Variants in VPS37A observed in about 807,000 individuals in gnomAD.
VPS37A encodes the protein vacuolar protein sorting-associated protein 37A.
A neutral mutation model predicts 49.8 loss-of-function variants in VPS37A; 30 were observed. The ratio of observed to expected loss-of-function variants is 0.60; its 90% CI spans 0.45 to 0.82. The LOEUF (loss-of-function observed/expected upper bound fraction) is 0.82, where lower values mean the gene tolerates loss of function less well. Ranked by LOEUF, VPS37A falls within the 40% of genes least tolerant of loss-of-function variation. The pLI, the probability that VPS37A is intolerant of heterozygous loss-of-function variation, is 0.00. For missense variants in VPS37A, 593 were observed against 464.4 expected, an observed-to-expected ratio of 1.28 and a Z score of -2.55; for synonymous variants, 195 against 160.6, an observed-to-expected ratio of 1.21 and a Z score of -1.62.
intron 2 of VPS37A, 116 bp from the exon 3 acceptor site, chr8:17,268,142 C>A: frequency 1.5e-6 from 1 of 647,706 alleles, no homozygotes; most frequent in Non-Finnish European, 2.6e-6. Flanking sequence ...CTAAATGACC[C>A]ATATCAAAGT....
At chr8:17,280,916 T>G (rs904324238) in intron 9 of VPS37A, among the ~76,000 whole-genome samples, 2 of 151,916 alleles carry the variant, frequency 1.3e-5, no homozygotes, top group Non-Finnish European at 2.9e-5. Flanking sequence ...CAACCTATAT[T>G]TCTGAAAAAA....
chr8:17,316,837 G>A, the VPS37A span, among the ~76,000 whole-genome samples: 25 of 152,086 alleles, frequency 1.6e-4, no homozygotes, highest in South Asian at 2.7e-3. Flanking sequence ...GGACTTCTGC[G>A]TGTGTGGATT....
the VPS37A span, among the ~76,000 whole-genome samples, chr8:17,329,335 A>G: frequency 0.5 from 75,312 of 152,032 alleles, 19,961 homozygotes; most frequent in African/African-American, 0.68. Context: ...GACCACGTAC[A>G]GGCATCCAGA....
the VPS37A span, among the ~76,000 whole-genome samples, chr8:17,310,094 G>A: frequency 8.6e-5 from 13 of 152,036 alleles, no homozygotes; most frequent in South Asian, 6.2e-4. Flanking sequence ...TTGACCTCCT[G>A]AGCTCGAGCG....
chr8:17,287,047 C>G lies in VPS37A; in HGVS notation c.*620C>G, dbSNP rs563698854. Among the ~76,000 whole-genome samples, 4 of 152,246 alleles carry G rather than the reference C, an allele frequency of 2.6e-5. No individual in the cohort carries two copies. In the South Asian group the frequency reaches 8.3e-4, roughly 32 times the overall value. On this transcript the variant is annotated intron_variant, in intron 11 of 11. Transcript: ENST00000324849. Reference sequence around the variant, plus strand: ...TCATCCATTTTAACTTTGCATTTTCCCCTTACATTGCGTTGTCTTACATGG... The same window carrying G: ...TCATCCATTTTAACTTTGCATTTTCGCCTTACATTGCGTTGTCTTACATGG...
intron 11 of VPS37A, among the ~76,000 whole-genome samples, chr8:17,293,394 G>A (rs963638267): frequency 3.9e-5 from 6 of 151,926 alleles, no homozygotes; most frequent in Non-Finnish European, 7.4e-5. Flanking sequence ...TCCTTGCATT[G>A]AGTTAGAACA....
At chr8:17,263,610 T>C (rs1813166886) in intron 1 of VPS37A, among the ~76,000 whole-genome samples, 1 of 152,200 alleles carries the variant, frequency 6.6e-6, no homozygotes, top group Admixed American at 6.5e-5. Context: ...ATAAAAATTA[T>C]TTAAATCAAA....
Position 17,295,104 on chromosome 8 carries a change from A to G in VPS37A, c.*118A>G, listed in dbSNP as rs1203080843. 6.5e-6 allele frequency: 1 copy of G among 152,678 alleles called. No individual in the cohort carries two copies. The highest frequency in any genetic ancestry group is 1.5e-5 in the Non-Finnish European group (1 of 68,038). The allele number at this position is 152,678 out of a possible 1,614,324, so 9.5% of individuals were successfully genotyped here. ...GTGGCTAAATTCACAGATATCCTAT[A>G]TAGATTGTATACAGAACTGAGACTG... On this transcript the variant is annotated 3_prime_UTR_variant, in exon 12 of 12. Transcript: ENST00000324849.
downstream of VPS37A, among the ~76,000 whole-genome samples, chr8:17,306,388 T>G (rs1817456749): frequency 6.6e-6 from 1 of 151,148 alleles, no homozygotes; most frequent in Admixed American, 6.6e-5. Context: ...AAAAGACAAC[T>G]TGAAAAAAAA....
In VPS37A at chr8:17,295,079, G is replaced by C. The variant is rs1273899039; in HGVS notation, c.*93G>C. On this transcript the variant is annotated 3_prime_UTR_variant, in exon 12 of 12. Transcript: ENST00000324849. ...TGGTTTGCAAACTGGCATTTCATCA[G>C]TGGCTAAATTCACAGATATCCTATA... 6.6e-6 allele frequency: 1 copy of C among 152,630 alleles called. No homozygotes were observed. Among genetic ancestry groups the C allele is most frequent in the Non-Finnish European group, 1.5e-5 (1 of 68,042 alleles). The allele number at this position is 152,630 out of a possible 1,614,324, so 9.5% of individuals were successfully genotyped here. A position where few individuals can be genotyped will look rare whatever the true frequency, so the allele number is the denominator to read the frequency against.
chr8:17,266,475 G>A (rs1400119108), intron 2 of VPS37A, among the ~76,000 whole-genome samples: 3 of 152,148 alleles, frequency 2.0e-5, no homozygotes, highest in African/African-American at 4.8e-5. Flanking sequence ...TTTTACTTAA[G>A]TTACAAAAAG....
chr8:17,305,739 A>G (rs1817406719), downstream of VPS37A: 3 of 1,583,784 alleles, frequency 1.9e-6, no homozygotes, highest in South Asian at 3.4e-5. Flanking sequence ...TAAACACCAA[A>G]AACACCAAAA....
downstream of VPS37A, among the ~76,000 whole-genome samples, chr8:17,300,772 T>C (rs1817058975): frequency 6.6e-6 from 1 of 152,248 alleles, no homozygotes. Flanking sequence ...TCATTTCCCA[T>C]TCCTATCTCC....
chr8:17,304,434 T>C, downstream of VPS37A: 2 of 1,614,150 alleles, frequency 1.2e-6, no homozygotes, highest in Non-Finnish European at 1.7e-6. Flanking sequence ...TGAGTCTGGC[T>C]GTGATCAGCT....
the VPS37A span, among the ~76,000 whole-genome samples, chr8:17,317,827 A>G: frequency 1.3e-5 from 2 of 152,174 alleles, no homozygotes; most frequent in Middle Eastern, 3.4e-3. Context: ...GGCATTACTT[A>G]TCACTCATCC....
chr8:17,311,066 A>G, the VPS37A span, among the ~76,000 whole-genome samples: 3 of 152,178 alleles, frequency 2.0e-5, no homozygotes, highest in Non-Finnish European at 4.4e-5. Flanking sequence ...GGACTACTTA[A>G]AAAACATACC....
chr8:17,312,437 T>C, the VPS37A span, among the ~76,000 whole-genome samples: 1 of 151,942 alleles, frequency 6.6e-6, no homozygotes, highest in African/African-American at 2.4e-5. Context: ...TAGCCAGGCA[T>C]AGTGGCGCGT....
intron 1 of VPS37A, among the ~76,000 whole-genome samples, chr8:17,258,584 T>C (rs576085683): frequency 6.6e-6 from 1 of 152,276 alleles, no homozygotes; most frequent in South Asian, 2.1e-4. Context: ...TAATCTGTAA[T>C]ATTGGCCTGT....
At chr8:17,279,720 A>C in intron 6 of VPS37A, 1 of 445,492 alleles carries the variant, frequency 2.2e-6, no homozygotes, top group Non-Finnish European at 4.4e-6. Flanking sequence ...TTTTAATTTC[A>C]GGTCACTGTA....
Sources: gnomAD v4.1 joint callset for allele counts (sites outside exome capture counted in the v4.1 genomes callset) on GRCh38, gnomAD v4.1.1 for gene constraint, MANE v1.5 for transcripts, NCBI Gene and HGNC (gene_info 2026-07-23, HGNC 2026-07-21) for gene names.